Variants in CFAP77 observed in about 807,000 individuals in gnomAD.
The protein encoded by CFAP77 is cilia and flagella associated protein 77.
A neutral mutation model predicts 31.1 loss-of-function variants in CFAP77; 25 were observed. The ratio of observed to expected loss-of-function variants is 0.80; its 90% CI spans 0.59 to 1.12. The LOEUF (loss-of-function observed/expected upper bound fraction) is 1.12. Ranked by LOEUF, CFAP77 falls within the 50% of genes most tolerant of loss-of-function variation. The pLI is 0.00. For missense variants in CFAP77, 377 were observed against 397.3 expected, an observed-to-expected ratio of 0.95 and a Z score of 0.44; for synonymous variants, 151 against 159.9, an observed-to-expected ratio of 0.94 and a Z score of 0.42.
intron 3 of CFAP77, among the ~76,000 whole-genome samples, chr9:132,535,711 CAATAAATAAATA>C (rs34927880): frequency 7.8e-4 from 115 of 148,062 alleles, no homozygotes; most frequent in African/African-American, 2.5e-3. Context: ...GACTCCACCT[CAATAAATAAATA>C]AATAAATAAA....
chr9:132,478,414 C>T (rs556129793), intron 1 of CFAP77, among the ~76,000 whole-genome samples: 43 of 152,150 alleles, frequency 2.8e-4, no homozygotes, highest in African/African-American at 9.9e-4. Context: ...CCAGTGGCTC[C>T]GGGTGTGCAT....
chr9:132,487,572 TC>T (rs1851583103), intron 1 of CFAP77, among the ~76,000 whole-genome samples: 2 of 146,854 alleles, frequency 1.4e-5, no homozygotes, highest in Non-Finnish European at 3.0e-5. Context: ...CCTTCCAGTA[TC>T]TTTTTCAATG....
At position 132,476,471 on chromosome 9, in the gene CFAP77, A is replaced by G. The variant is rs189676734; in HGVS notation, c.196-22224A>G. Reference sequence around the variant, plus strand: ...GGGGCACACAGGTGGTGTCTGTCTGAGCAGATGGGTGTAGCTCATCTAGAT... The same window carrying G: ...GGGGCACACAGGTGGTGTCTGTCTGGGCAGATGGGTGTAGCTCATCTAGAT... On this transcript the variant is annotated intron_variant, in intron 1 of 5. Transcript: ENST00000393216. Among the ~76,000 whole-genome samples, 91 of 152,106 alleles carry G rather than the reference A, an allele frequency of 6.0e-4. 1 individual carries two copies. The highest frequency in any genetic ancestry group is 2.1e-3 in the African/African-American group (88 of 41,486).
At chr9:132,509,838 C>A (rs1380813539) in intron 3 of CFAP77, among the ~76,000 whole-genome samples, 1 of 152,044 alleles carries the variant, frequency 6.6e-6, no homozygotes, top group Non-Finnish European at 1.5e-5. Flanking sequence ...GCCTGGGGCC[C>A]CCATCTTTTC....
intron 5 of CFAP77, among the ~76,000 whole-genome samples, chr9:132,553,093 G>A (rs72767827): frequency 0.045 from 6,890 of 152,288 alleles, 210 homozygotes; most frequent in Non-Finnish European, 0.071. Context: ...TCAGGTTCTG[G>A]TGAGGGTCCT....
intron 1 of CFAP77, among the ~76,000 whole-genome samples, chr9:132,431,798 CAT>C (rs1334299919): frequency 6.6e-6 from 1 of 152,176 alleles, no homozygotes; most frequent in Non-Finnish European, 1.5e-5. Context: ...TACTCAAAGA[CAT>C]ATTAGGCTGG....
chr9:132,457,733 C>A (rs1212889279), intron 1 of CFAP77, among the ~76,000 whole-genome samples: 1 of 152,242 alleles, frequency 6.6e-6, no homozygotes, highest in African/African-American at 2.4e-5. Flanking sequence ...TATTTCAAGT[C>A]TCCTCCGGCA....
intron 1 of CFAP77, among the ~76,000 whole-genome samples, chr9:132,434,541 T>C (rs1850470327): frequency 6.6e-6 from 1 of 152,220 alleles, no homozygotes; most frequent in Non-Finnish European, 1.5e-5. Flanking sequence ...TAAGACACTT[T>C]CATTTTAAGA....
At chr9:132,440,049 C>T (rs547945090) in intron 1 of CFAP77, among the ~76,000 whole-genome samples, 4 of 151,968 alleles carry the variant, frequency 2.6e-5, no homozygotes, top group Non-Finnish European at 5.9e-5. Flanking sequence ...TCATCCTCAG[C>T]GGCAGCCGCA....
intron 5 of CFAP77, among the ~76,000 whole-genome samples, chr9:132,560,918 C>T (rs1395468956): frequency 6.6e-6 from 1 of 152,190 alleles, no homozygotes; most frequent in East Asian, 1.9e-4. Context: ...GAAATCGCAG[C>T]ATGTGTCAGC....
chr9:132,459,962 G>A (rs561788513), intron 1 of CFAP77, among the ~76,000 whole-genome samples: 3 of 152,104 alleles, frequency 2.0e-5, no homozygotes, highest in Non-Finnish European at 4.4e-5. Context: ...GAGTGCATGA[G>A]CGTGTGCGTG....
rs542661841 is a variant in CFAP77 at position 132,498,584 on chromosome 9, G to A, written c.196-111G>A. 137 of 815,106 alleles carry A rather than the reference G, an allele frequency of 1.7e-4. 1 individual carries two copies. The highest frequency in any genetic ancestry group is 2.4e-4 in the Non-Finnish European group (120 of 499,632). 50.5% of individuals were successfully genotyped at this position (815,106 alleles called of 1,614,324 possible). On this transcript the variant is annotated intron_variant, in intron 1 of 5. Transcript: ENST00000393216. This position sits in a 1 kb window ranked among gnomAD's most constrained non-coding sequence, Gnocchi z 4.2. ...ACTCCTGTGCCACCCTGAAGGCCAC[G>A]GCAGGGCCTGGGGGAAATGCAGGCA...
At chr9:132,468,781 A>G (rs1851200093) in intron 1 of CFAP77, among the ~76,000 whole-genome samples, 1 of 111,648 alleles carries the variant, frequency 9.0e-6, no homozygotes, top group African/African-American at 2.9e-5. Context: ...AAGAATAAGC[A>G]CACACACACG....
intron 5 of CFAP77, among the ~76,000 whole-genome samples, chr9:132,558,250 GAAAT>G (rs888478125): frequency 1.4e-4 from 22 of 152,174 alleles, no homozygotes; most frequent in African/African-American, 4.6e-4. Flanking sequence ...CCACTACATA[GAAAT>G]AAATAAATTA....
rs1006966764 is a variant in CFAP77, at chr9:132,539,983, G to A, written c.630+2277G>A. ...TTTTGCTCTTGTTGCCCAGGCTGGAGTGCAATGGGGCAATCTCAACTCACT... is the reference window on the plus strand; with the variant it reads ...TTTTGCTCTTGTTGCCCAGGCTGGAATGCAATGGGGCAATCTCAACTCACT... On this transcript the variant is annotated intron_variant, in intron 4 of 5. Transcript: ENST00000393216. This position sits in a 1 kb window ranked among gnomAD's most constrained non-coding sequence, Gnocchi z 4.3. Among the ~76,000 whole-genome samples the A allele has an allele frequency of 1.3e-5, 2 of 152,078 alleles. No individual in the cohort carries two copies. Among genetic ancestry groups the A allele is most frequent in the African/African-American group, 4.8e-5 (2 of 41,392 alleles).
intron 1 of CFAP77, among the ~76,000 whole-genome samples, chr9:132,475,085 T>C (rs1851329325): frequency 6.6e-6 from 1 of 152,218 alleles, no homozygotes; most frequent in African/African-American, 2.4e-5. Flanking sequence ...TTTAACTGTT[T>C]TGTTGTTCCA....
chr9:132,414,400 C>A (rs1339210418), intron 1 of CFAP77, among the ~76,000 whole-genome samples: 1 of 152,108 alleles, frequency 6.6e-6, no homozygotes, highest in Non-Finnish European at 1.5e-5. Context: ...GATACATGCA[C>A]ACGTTTATAA....
intron 1 of CFAP77, among the ~76,000 whole-genome samples, chr9:132,432,968 C>T (rs1359605663): frequency 6.6e-6 from 1 of 152,154 alleles, no homozygotes. Context: ...CCCGCCTCAG[C>T]CTCCCAAAGT....
In CFAP77 at chr9:132,478,530, G is replaced by A. The variant is rs542118703; in HGVS notation, c.196-20165G>A. Among the ~76,000 whole-genome samples the A allele has an allele frequency of 3.9e-5, 6 of 152,228 alleles. No individual in the cohort carries two copies. In the East Asian group the frequency reaches 1.2e-3, roughly 29 times the overall value. On this transcript the variant is annotated intron_variant, in intron 1 of 5. Coordinates refer to ENST00000393216, the MANE Select transcript of CFAP77 (RefSeq NM_001282957.2). ...TATTACTTTGGGCAAAATAAAATTT[G>A]CTCCCAAGTAAGCAAAAGCTCCCTG...
Sources: allele counts gnomAD v4.1 joint callset (sites outside exome capture counted in the v4.1 genomes callset), GRCh38; gene constraint gnomAD v4.1.1; non-coding constraint Gnocchi (gnomAD v3.1); transcripts MANE v1.5; gene names NCBI Gene and HGNC (gene_info 2026-07-23, HGNC 2026-07-21).